Variants in RAP1GAP observed in about 807,000 individuals in gnomAD.
RAP1GAP encodes the protein rap1 GTPase-activating protein 1.
In RAP1GAP, 35 loss-of-function variants were observed where a neutral mutation model predicts 87.2. The observed-to-expected ratio is 0.40, with a 90% CI of 0.31 to 0.53. RAP1GAP has a LOEUF of 0.53. Among genes scored for constraint, RAP1GAP ranks in the 20% least tolerant of loss-of-function variants. RAP1GAP has a pLI of 0.48. For synonymous variants in RAP1GAP, 375 were observed against 363.9 expected (o/e 1.03, Z -0.35); for missense variants, 734 against 898.9 (o/e 0.82, Z 2.35).
chr1:21,608,140 T>C (rs943881785), intron 17 of RAP1GAP, 73 bp downstream of exon 17: 4 of 1,569,642 alleles, frequency 2.5e-6, no homozygotes, highest in South Asian at 1.2e-5. Flanking sequence ...TCCATCAGTC[T>C]ATCAGCCTCA....
In RAP1GAP at chr1:21,609,748, G is replaced by A. The variant is rs998424568; in HGVS notation, c.1000-102C>T. 22 of 836,614 alleles carry A rather than the reference G, an allele frequency of 2.6e-5. No individual in the cohort carries two copies. Among genetic ancestry groups the A allele is most frequent in the Middle Eastern group, 2.5e-4 (1 of 3,940 alleles). The allele number at this position is 836,614 out of a possible 1,614,324, so 51.8% of individuals were successfully genotyped here. ...TGCCTCCCTGGACTGCCCCTTGGTC[G>A]GGGAGACCCAGTGACTGTGGGCTGG... On this transcript the variant is annotated intron_variant, in intron 14 of 24. Coordinates refer to ENST00000374765, the MANE Select transcript of RAP1GAP (RefSeq NM_002885.4). This position sits in a 1 kb window ranked among gnomAD's most constrained non-coding sequence, Gnocchi z 4.4.
chr1:21,626,534 G>A lies in RAP1GAP; in HGVS notation c.-112-137C>T, dbSNP rs568035200. The A allele has an allele frequency of 3.8e-5, 26 of 680,038 alleles. No homozygotes were observed. In the East Asian group the frequency reaches 6.7e-4, roughly 18 times the overall value. 42.1% of individuals were successfully genotyped at this position (680,038 alleles called of 1,614,324 possible). On this transcript the variant is annotated intron_variant, in intron 2 of 24. Coordinates refer to ENST00000374765, the MANE Select transcript of RAP1GAP (RefSeq NM_002885.4). ...GGAGAGGGTCATGGGTTCCCCAAGA[G>A]GAGGGAGAGGAGGGGCTTCATTAGC... is the stretch of plus-strand genomic sequence containing the variant.
At position 21,609,749 on chromosome 1, in the gene RAP1GAP, G is replaced by C; in HGVS notation, c.1000-103C>G. 1 of 825,484 alleles carries C rather than the reference G, an allele frequency of 1.2e-6. No homozygotes were observed. The highest frequency in any genetic ancestry group is 1.8e-6 in the Non-Finnish European group (1 of 542,654). 51.1% of individuals were successfully genotyped at this position (825,484 alleles called of 1,614,324 possible). Reference sequence around the variant, plus strand: ...GCCTCCCTGGACTGCCCCTTGGTCGGGGAGACCCAGTGACTGTGGGCTGGA... The same window carrying C: ...GCCTCCCTGGACTGCCCCTTGGTCGCGGAGACCCAGTGACTGTGGGCTGGA... On this transcript the variant is annotated intron_variant, in intron 14 of 24. Coordinates refer to ENST00000374765, the MANE Select transcript of RAP1GAP (RefSeq NM_002885.4). The surrounding 1 kb of genome is among the most constrained non-coding windows in gnomAD (Gnocchi z 4.4).
chr1:21,656,447 A>AAAAC (rs2096869449), intron 1 of RAP1GAP, among the ~76,000 whole-genome samples: 2 of 125,774 alleles, frequency 1.6e-5, no homozygotes, highest in Non-Finnish European at 3.4e-5. Flanking sequence ...AAAAAAAAAA[A>AAAAC]AAAAAAAGAC....
chr1:21,610,379 A>G, intron 13 of RAP1GAP, 104 bp from the exon 14 acceptor site: 2 of 1,228,178 alleles, frequency 1.6e-6, no homozygotes, highest in Non-Finnish European at 2.3e-6. Flanking sequence ...CAGAGGGCAC[A>G]TCTAAGGATT....
At chr1:21,608,094 C>G in intron 17 of RAP1GAP, 119 bp downstream of exon 17, 1 of 1,450,574 alleles carries the variant, frequency 6.9e-7, no homozygotes, top group Non-Finnish European at 9.3e-7. Flanking sequence ...CCCCCTCAGC[C>G]ACGCCCCTTC....
At chr1:21,607,530 G>C (rs1431516276) in intron 17 of RAP1GAP, among the ~76,000 whole-genome samples, 1 of 144,078 alleles carries the variant, frequency 6.9e-6, no homozygotes, top group African/African-American at 2.6e-5. Context: ...AATGATCATG[G>C]TTCACACACC....
At chr1:21,649,541 G>A (rs913767759) in intron 2 of RAP1GAP, among the ~76,000 whole-genome samples, 1 of 152,192 alleles carries the variant, frequency 6.6e-6, no homozygotes, top group African/African-American at 2.4e-5. Context: ...CACACAGGCA[G>A]TGGCAGAGTG....
At chr1:21,656,503 C>T (rs982513890) in intron 1 of RAP1GAP, among the ~76,000 whole-genome samples, 1 of 150,982 alleles carries the variant, frequency 6.6e-6, no homozygotes, top group Non-Finnish European at 1.5e-5. Flanking sequence ...TCTGCTAGCT[C>T]TGAAAGTATC....
intron 2 of RAP1GAP, among the ~76,000 whole-genome samples, chr1:21,637,895 G>C (rs2095021916): frequency 6.6e-6 from 1 of 150,734 alleles, no homozygotes; most frequent in Non-Finnish European, 1.5e-5. Context: ...AGCACTTTGG[G>C]AGGCCAAGGC....
chr1:21,662,559 G>A (rs192161900), intron 1 of RAP1GAP, among the ~76,000 whole-genome samples: 182 of 152,224 alleles, frequency 1.2e-3, no homozygotes, highest in Middle Eastern at 3.4e-3. Flanking sequence ...CCCAGGGATA[G>A]GCCATGGGGA....
intron 1 of RAP1GAP, among the ~76,000 whole-genome samples, chr1:21,653,907 G>T (rs971343879): frequency 1.3e-5 from 2 of 152,150 alleles, no homozygotes; most frequent in African/African-American, 4.8e-5. Context: ...TAGCCAAGGG[G>T]CCGCCAACGT....
chr1:21,640,526 G>C (rs1163103021), intron 2 of RAP1GAP, among the ~76,000 whole-genome samples: 1 of 152,176 alleles, frequency 6.6e-6, no homozygotes, highest in Non-Finnish European at 1.5e-5. Context: ...AGTGTGAGTA[G>C]GGAAATATGT....
intron 3 of RAP1GAP, among the ~76,000 whole-genome samples, chr1:21,624,108 C>A (rs2090618963): frequency 6.6e-6 from 1 of 152,152 alleles, no homozygotes; most frequent in Admixed American, 6.5e-5. Context: ...ACTCTGTCCC[C>A]ATATGTAGGT....
At chr1:21,659,638 G>A (rs2097033079) in intron 1 of RAP1GAP, among the ~76,000 whole-genome samples, 1 of 151,604 alleles carries the variant, frequency 6.6e-6, no homozygotes, top group Non-Finnish European at 1.5e-5. Context: ...CAACAGCCCC[G>A]TGAGGCTGAT....
At chr1:21,602,530 G>A (rs2069604378) in intron 19 of RAP1GAP, among the ~76,000 whole-genome samples, 1 of 152,224 alleles carries the variant, frequency 6.6e-6, no homozygotes, top group Non-Finnish European at 1.5e-5. Flanking sequence ...ACAGATCAGG[G>A]CTCAGATCCT....
In RAP1GAP at chr1:21,622,381, G is replaced by T; in HGVS notation, c.-18-2331C>A. 2.3e-6 allele frequency: 1 copy of T among 437,020 alleles called. No homozygotes were observed. Among genetic ancestry groups the T allele is most frequent in the Non-Finnish European group, 4.0e-6 (1 of 248,476 alleles). 27.1% of individuals were successfully genotyped at this position (437,020 alleles called of 1,614,324 possible). The stretch of plus-strand genomic sequence containing the variant: ...CGGGCAGCGAGCCCCTCCGCGGACG[G>T]CCGGGTGGCACCGCGGGCCGCAGCT... On this transcript the variant is annotated intron_variant, in intron 3 of 24. Coordinates refer to ENST00000374765, the MANE Select transcript of RAP1GAP (RefSeq NM_002885.4). The surrounding 1 kb of genome is among the most constrained non-coding windows in gnomAD (Gnocchi z 5.7).
At chr1:21,666,075 T>C (rs931252) in intron 1 of RAP1GAP, among the ~76,000 whole-genome samples, 50,387 of 152,148 alleles carry the variant, frequency 0.33, 8,846 homozygotes, top group East Asian at 0.52. Flanking sequence ...GAATCAGCAC[T>C]CTGGCAGGCT....
chr1:21,613,797 G>A lies in RAP1GAP; in HGVS notation c.396-91C>T. The A allele has an allele frequency of 1.5e-6, 2 of 1,335,368 alleles. No individual in the cohort carries two copies. Among genetic ancestry groups the A allele is most frequent in the Non-Finnish European group, 2.1e-6 (2 of 933,726 alleles). 82.7% of individuals were successfully genotyped at this position (1,335,368 alleles called of 1,614,324 possible). ...CCACAAAGTAAGGCCAGAAGGGGGT[G>A]GACCACAGCGAGGACCAGAGGTGAT... is the stretch of plus-strand genomic sequence containing the variant. On this transcript the variant is annotated intron_variant, in intron 8 of 24. Transcript: ENST00000374765. The surrounding 1 kb of genome is among the most constrained non-coding windows in gnomAD (Gnocchi z 4.7).
Sources: gnomAD v4.1 joint callset for allele counts (sites outside exome capture counted in the v4.1 genomes callset) on GRCh38, gnomAD v4.1.1 for gene constraint, Gnocchi (gnomAD v3.1) non-coding constraint, MANE v1.5 for transcripts, NCBI Gene and HGNC (gene_info 2026-07-23, HGNC 2026-07-21) for gene names.